PCYOX1L: variants seen among roughly 807,000 people sequenced by gnomAD.
The protein encoded by PCYOX1L is prenylcysteine oxidase 1-like.
In PCYOX1L, 40 loss-of-function variants were observed where a neutral mutation model predicts 44.1. The ratio of observed to expected loss-of-function variants is 0.91; its 90% confidence interval spans 0.70 to 1.18. PCYOX1L has a LOEUF of 1.18. PCYOX1L is among the 50% of genes most tolerant of loss of function. The pLI is 0.00. For synonymous variants in PCYOX1L, 266 were observed against 282.8 expected, an observed-to-expected ratio of 0.94 and a Z score of 0.60; for missense variants, 605 against 653.3, an observed-to-expected ratio of 0.93 and a Z score of 0.81.
chr5:149,368,796 G>A lies in PCYOX1L; in HGVS notation c.*142G>A. ...ATCAAGCATCTCCAGGTGACCTACT[G>A]TCTGCCTATATTAAGGGTCCACACG... On this transcript the variant is annotated 3_prime_UTR_variant, in exon 6 of 6. Transcript: ENST00000274569. 1 of 787,982 alleles carries A rather than the reference G, an allele frequency of 1.3e-6. No homozygotes were observed. Among genetic ancestry groups the A allele is most frequent in the Non-Finnish European group, 1.8e-6 (1 of 555,086 alleles). 48.8% of individuals were successfully genotyped at this position (787,982 alleles called of 1,614,324 possible).
At chr5:149,358,521 CTG>C (rs1191752663) in intron 1 of PCYOX1L, among the ~76,000 whole-genome samples, 5 of 150,872 alleles carry the variant, frequency 3.3e-5, no homozygotes, top group Non-Finnish European at 7.4e-5. Flanking sequence ...TGAGGGCTCT[CTG>C]TGTAGCAGAC....
chr5:149,358,289 G>T (rs1757910611), intron 1 of PCYOX1L, 133 bp downstream of exon 1: 6 of 1,240,684 alleles, frequency 4.8e-6, no homozygotes, highest in Non-Finnish European at 6.1e-6. Flanking sequence ...CTGGGTGGAG[G>T]AGAGGCGCCG....
rs772018220 is a variant in PCYOX1L, at chr5:149,368,454, G to A, written c.1285G>A (p.Gly429Ser). ...TAEWQAHPLY[G>S]SRPTLPRFAL... ...TGAGTGGCAGGCCCATCCCCTCTAT[G>A]GCTCCCGCCCCACGCTCCCGAGGTT... The change falls in exon 6 of 6, where the codon GGC (glycine) becomes AGC (serine). Residue 429 changes from glycine to serine, a missense_variant. Gly to Ser is a moderately conservative substitution (Grantham distance 56). Transcript: ENST00000274569. 6.2e-7 allele frequency: 1 copy of A among 1,613,742 alleles called. No individual in the cohort carries two copies. Among genetic ancestry groups the A allele is most frequent in the East Asian group, 2.2e-5 (1 of 44,842 alleles).
intron 2 of PCYOX1L, chr5:149,363,280 G>A: frequency 2.8e-6 from 1 of 354,006 alleles, no homozygotes; most frequent in Non-Finnish European, 5.6e-6. Context: ...CGAGAGGTGG[G>A]ATTCAAACCC....
chr5:149,362,673 CCCA>C lies in PCYOX1L; in HGVS notation c.126_128del (p.His43del). The C allele has an allele frequency of 6.2e-7, 1 of 1,614,164 alleles. No individual in the cohort carries two copies. Among genetic ancestry groups the C allele is most frequent in the South Asian group, 1.1e-5 (1 of 91,080 alleles). On this transcript the variant is annotated inframe_deletion, in exon 2 of 6. Transcript: ENST00000274569. ...GCTGGGATTGGGGGCTCTGCTGTGG[CCCA>C]TTTTCTCCAGCAGCACTTTGGACCT... is the stretch of plus-strand genomic sequence containing the variant.
At position 149,368,558 on chromosome 5, in the gene PCYOX1L, C is replaced by T. The variant is rs1164171670; in HGVS notation, c.1389C>T (p.Ala463=). 2 of 1,597,322 alleles carry T rather than the reference C, an allele frequency of 1.3e-6. No individual in the cohort carries two copies. Among genetic ancestry groups the T allele is most frequent in the Admixed American group, 1.8e-5 (1 of 56,920 alleles). Residue 463 remains alanine, a synonymous_variant, in exon 6 of 6, where the codon GCC becomes GCT. Coordinates refer to ENST00000274569, the MANE Select transcript of PCYOX1L (RefSeq NM_024028.4). ...CCGTGGAGGTGATGGCCGTGGCTGC[C>T]AAGAATGTGGCCTTGCTGGCTTACA... ...ASSVEVMAVA[A]KNVALLAYNR...
chr5:149,363,519 T>C (rs1357889836), intron 2 of PCYOX1L: 2 of 216,914 alleles, frequency 9.2e-6, no homozygotes, highest in Non-Finnish European at 1.9e-5. Context: ...GCAGTCAGAA[T>C]GGGGAAGTCT....
Position 149,362,755 on chromosome 5 carries a change from C to T in PCYOX1L, c.207C>T (p.Thr69=), listed in dbSNP as rs1299214210. 6.2e-7 allele frequency: 1 copy of T among 1,614,036 alleles called. No homozygotes were observed. Among genetic ancestry groups the T allele is most frequent in the African/African-American group, 1.3e-5 (1 of 74,922 alleles). Residue 69 remains threonine (T), a synonymous_variant, in exon 2 of 6, where the codon ACC becomes ACT. Coordinates refer to ENST00000274569, the MANE Select transcript of PCYOX1L (RefSeq NM_024028.4). ...EKGTVGGRLA[T]ISVNKQHYES... ...GAACCGTGGGTGGCCGCTTGGCCAC[C>T]ATCTCAGTCAACAAGCAGCACTATG... is the stretch of plus-strand genomic sequence containing the variant.
At position 149,365,978 on chromosome 5, in the gene PCYOX1L, G is replaced by C; in HGVS notation, c.507G>C (p.Ser169=). 1 of 1,614,214 alleles carries C rather than the reference G, an allele frequency of 6.2e-7. No homozygotes were observed. Among genetic ancestry groups the C allele is most frequent in the Non-Finnish European group, 8.5e-7 (1 of 1,180,044 alleles). The change falls in exon 4 of 6, where the codon TCG becomes TCC. Residue 169 remains serine, a synonymous_variant. Transcript: ENST00000274569. ...YKYQAHGYAF[S]GVEELLYSLG... ...ACCAGGCCCACGGCTATGCCTTCTC[G>C]GGTGTGGAGGAGCTGCTCTACTCAC...
In PCYOX1L at chr5:149,364,081, G is replaced by A; in HGVS notation, c.341G>A (p.Gly114Asp). Residue 114 changes from glycine to aspartate, a missense_variant, in exon 3 of 6, where the codon GGC becomes GAC. Transcript: ENST00000274569. ...REVVGRSAIF[G>D]GEHFMLEETD... Reference sequence around the variant, plus strand: ...GTGGTGGGCAGGAGCGCCATCTTCGGCGGGGAGCACTTCATGCTGGAGGAG... The same window carrying A: ...GTGGTGGGCAGGAGCGCCATCTTCGACGGGGAGCACTTCATGCTGGAGGAG... 1.9e-6 allele frequency: 3 copies of A among 1,614,108 alleles called. No individual in the cohort carries two copies. Among genetic ancestry groups the A allele is most frequent in the Non-Finnish European group, 2.5e-6 (3 of 1,179,994 alleles).
intron 3 of PCYOX1L, chr5:149,365,589 AAGG>A (rs74433775): frequency 0.02 from 5,637 of 285,426 alleles, 114 homozygotes; most frequent in East Asian, 0.089. Flanking sequence ...ACTGTTGGAG[AAGG>A]AGATGTGTCA....
In PCYOX1L at chr5:149,368,034, G is replaced by A. The variant is rs777370974; in HGVS notation, c.865G>A (p.Gly289Ser). 4.5e-6 allele frequency: 7 copies of A among 1,561,424 alleles called. No homozygotes were observed. In the Admixed American group the frequency reaches 7.7e-5, roughly 17 times the overall value. The change falls in exon 6 of 6, where the codon GGC (glycine) becomes AGC (serine). Residue 289 changes from glycine to serine, a missense_variant. By Grantham distance (56) the Gly-to-Ser change is moderately conservative. Coordinates refer to ENST00000274569, the MANE Select transcript of PCYOX1L (RefSeq NM_024028.4). ...CCAGGTGGCGTATGAGAATGAGGTA[G>A]GCAACAGCTCTGACTTCTATGACAT... is the stretch of plus-strand genomic sequence containing the variant. ...LYQVAYENEV[G>S]NSSDFYDIVV... is the part of the protein sequence containing the mutation.
chr5:149,368,114 T>G lies in PCYOX1L; in HGVS notation c.945T>G (p.Phe315Leu), dbSNP rs753555527. Residue 315 changes from phenylalanine to leucine, a missense_variant, in exon 6 of 6, where the codon TTT becomes TTG. Transcript: ENST00000274569. ...HLDNSSSNLT[F>L]AGFHPPIDDV... ...ACAACAGCAGCAGCAACTTAACCTT[T>G]GCAGGCTTCCACCCGCCCATTGATG... The G allele has an allele frequency of 2.5e-6, 4 of 1,613,090 alleles. No individual in the cohort carries two copies.
At chr5:149,361,802 A>AT (rs1219095155) in intron 1 of PCYOX1L, among the ~76,000 whole-genome samples, 2 of 152,094 alleles carry the variant, frequency 1.3e-5, no homozygotes, top group Admixed American at 1.3e-4. Context: ...CTAATTTTGT[A>AT]TTTTTAGTAG....
At chr5:149,359,764 T>C (rs1757956363) in intron 1 of PCYOX1L, among the ~76,000 whole-genome samples, 1 of 152,236 alleles carries the variant, frequency 6.6e-6, no homozygotes, top group African/African-American at 2.4e-5. Flanking sequence ...TGGCAATGCC[T>C]CACTGCCCTT....
In PCYOX1L at chr5:149,368,674, G is replaced by T. The variant is rs200942623; in HGVS notation, c.*20G>T. The T allele has an allele frequency of 6.0e-5, 90 of 1,499,034 alleles. No homozygotes were observed. The African/African-American group carries it at 1.1e-3, about 19-fold the overall frequency. 92.9% of individuals were successfully genotyped at this position (1,499,034 alleles called of 1,614,324 possible). ...CTGTGAGGGCTCTAGGGAGAGCCTGGGAACTTTCATCCCCCACTGAAGATG... is the reference window on the plus strand; with the variant it reads ...CTGTGAGGGCTCTAGGGAGAGCCTGTGAACTTTCATCCCCCACTGAAGATG... On this transcript the variant is annotated 3_prime_UTR_variant, in exon 6 of 6. Coordinates refer to ENST00000274569, the MANE Select transcript of PCYOX1L (RefSeq NM_024028.4).
chr5:149,361,119 T>C (rs1239611548), intron 1 of PCYOX1L, among the ~76,000 whole-genome samples: 1 of 152,170 alleles, frequency 6.6e-6, no homozygotes, highest in Non-Finnish European at 1.5e-5. Context: ...GTTTAATGAT[T>C]AGTGTCAGGT....
chr5:149,363,158 A>G, intron 2 of PCYOX1L: 2 of 479,770 alleles, frequency 4.2e-6, no homozygotes. Flanking sequence ...TCTGGGTGGT[A>G]TGTAGGCATT....
Position 149,368,647 on chromosome 5 carries a change from A to G in PCYOX1L, c.1478A>G (p.Glu493Gly). The G allele has an allele frequency of 6.6e-7, 1 of 1,512,026 alleles. No individual in the cohort carries two copies. Among genetic ancestry groups the G allele is most frequent in the Non-Finnish European group, 8.8e-7 (1 of 1,137,374 alleles). The allele number at this position is 1,512,026 out of a possible 1,614,324, so 93.7% of individuals were successfully genotyped here. Residue 493 changes from glutamate (E) to glycine (G), a missense_variant, in exon 6 of 6, where the codon GAA becomes GGA. Transcript: ENST00000274569. The stretch of plus-strand genomic sequence containing the variant: ...GATTTGATGCACAAGGTCAAGACTG[A>G]ACTGTGAGGGCTCTAGGGAGAGCCT... ...QKDLMHKVKT[E>G]L
Sources: gnomAD v4.1 joint callset for allele counts (sites outside exome capture counted in the v4.1 genomes callset) on GRCh38, gnomAD v4.1.1 for gene constraint, MANE v1.5 for transcripts, NCBI Gene and HGNC (gene_info 2026-07-23, HGNC 2026-07-21) for gene names.